Variants in IHH observed in about 807,000 individuals in gnomAD.
IHH encodes Indian hedgehog signaling molecule, also known as indian hedgehog protein.
In IHH, 9 loss-of-function variants were observed where a neutral mutation model predicts 29.4. That is an observed-to-expected ratio of 0.31 (90% confidence interval 0.18 to 0.53). The LOEUF is 0.53. Among genes scored for constraint, IHH ranks in the 20% least tolerant of loss-of-function variants. The probability of loss-of-function intolerance (pLI) is 0.95; values close to 1 mark genes in which losing one functional copy is unlikely to be tolerated. For missense variants in IHH, 454 were observed against 578.1 expected (o/e 0.79, Z 2.20); for synonymous variants, 254 against 252.7 (o/e 1.01, Z -0.05).
Position 219,055,802 on chromosome 2 carries a change from C to T in IHH, c.641G>A (p.Ser214Asn), listed in dbSNP as rs772975827. 5.6e-6 allele frequency: 9 copies of T among 1,612,898 alleles called. No individual in the cohort carries two copies. In the East Asian group the frequency reaches 8.9e-5, roughly 16 times the overall value. Residue 214 changes from serine (S) to asparagine (N), a missense_variant, in exon 3 of 3, where the codon AGT becomes AAT. Ser to Asn is a conservative substitution (Grantham distance 46). Around this residue, in one of 3 missense-constraint regions of IHH, gnomAD observed 271 missense variants for 315.9 expected, o/e 0.86. Coordinates refer to ENST00000295731, the MANE Select transcript of IHH (RefSeq NM_002181.4). ...FPAGAQVRLE[S>N]GARVALSAVR... is the part of the protein sequence containing the mutation. ...GGCTGACAAGGCCACACGCGCCCCA[C>T]TCTCCAGGCGTACCTGGGCTCCGGC...
In IHH at chr2:219,060,622, G is replaced by T. The variant is rs1397147110; in HGVS notation, c.-155C>A. 6.6e-6 allele frequency among the ~76,000 whole-genome samples: 1 copy of T among 151,376 alleles called. No individual in the cohort carries two copies. The highest frequency in any genetic ancestry group is 1.5e-5 in the Non-Finnish European group (1 of 67,740). On this transcript the variant is annotated 5_prime_UTR_variant, in exon 1 of 3. Transcript: ENST00000295731. This position sits in a 1 kb window ranked among gnomAD's most constrained non-coding sequence, Gnocchi z 8.8. Reference sequence around the variant, plus strand: ...GCGGCGTGGTGCGGCCAGGGCCGGCGGGACTCAAGTGCGGGGCGGGGGCCC... The same window carrying T: ...GCGGCGTGGTGCGGCCAGGGCCGGCTGGACTCAAGTGCGGGGCGGGGGCCC...
intron 1 of IHH, chr2:219,058,696 G>A (rs1201869118): frequency 6.5e-6 from 1 of 154,400 alleles, no homozygotes; most frequent in Admixed American, 6.6e-5. Flanking sequence ...CTGAGAAGAA[G>A]CTGGGGCCAG....
In IHH at chr2:219,055,774, C is replaced by T. The variant is rs1385230216; in HGVS notation, c.669G>A (p.Val223=). The change falls in exon 3 of 3, where the codon GTG becomes GTA. Residue 223 remains valine, a synonymous_variant. Coordinates refer to ENST00000295731, the MANE Select transcript of IHH (RefSeq NM_002181.4). ...ESGARVALSA[V]RPGDRVLAMG... ...TGGCCAGCACACGGTCTCCCGGCCT[C>T]ACGGCTGACAAGGCCACACGCGCCC... 6.2e-7 allele frequency: 1 copy of T among 1,613,524 alleles called. No individual in the cohort carries two copies. Among genetic ancestry groups the T allele is most frequent in the South Asian group, 1.1e-5 (1 of 91,088 alleles).
rs1347544204 is a variant in IHH at position 219,060,644 on chromosome 2, G to T, written c.-177C>A. Among the ~76,000 whole-genome samples the T allele has an allele frequency of 6.6e-6, 1 of 150,822 alleles. No homozygotes were observed. The highest frequency in any genetic ancestry group is 1.5e-5 in the Non-Finnish European group (1 of 67,506). The stretch of plus-strand genomic sequence containing the variant: ...GGCGGGACTCAAGTGCGGGGCGGGG[G>T]CCCAGGGCCCGAGCTGGTGGCGGCG... On this transcript the variant is annotated 5_prime_UTR_variant, in exon 1 of 3. Coordinates refer to ENST00000295731, the MANE Select transcript of IHH (RefSeq NM_002181.4). This position sits in a 1 kb window ranked among gnomAD's most constrained non-coding sequence, Gnocchi z 8.8.
chr2:219,055,158 G>A lies in IHH; in HGVS notation c.*49C>T. The A allele has an allele frequency of 6.5e-7, 1 of 1,544,134 alleles. No individual in the cohort carries two copies. The highest frequency in any genetic ancestry group is 8.8e-7 in the Non-Finnish European group (1 of 1,141,508). ...GGGCCAGCTCCCTCCTGGCTGAGAGGCTTCTGGACCCAGTACAGCAGTTCC... is the reference window on the plus strand; with the variant it reads ...GGGCCAGCTCCCTCCTGGCTGAGAGACTTCTGGACCCAGTACAGCAGTTCC... On this transcript the variant is annotated 3_prime_UTR_variant, in exon 3 of 3. Transcript: ENST00000295731.
At position 219,055,592 on chromosome 2, in the gene IHH, G is replaced by T; in HGVS notation, c.851C>A (p.Thr284Lys). The change falls in exon 3 of 3, where the codon ACG (threonine) becomes AAG (lysine). Residue 284 changes from threonine to lysine, a missense_variant. By Grantham distance (78) the Thr-to-Lys change is moderately conservative. Coordinates refer to ENST00000295731, the MANE Select transcript of IHH (RefSeq NM_002181.4). ...GGCCCGGAAGCGGGCTGCCGGCTCC[G>T]TGTGATTGTCAGCCGTAAAGAGCAG... Reference protein sequence around the residue: ...AHLLFTADNHTEPAARFRATF... With the variant: ...AHLLFTADNHKEPAARFRATF... 1.2e-6 allele frequency: 2 copies of T among 1,613,740 alleles called. No homozygotes were observed. Among genetic ancestry groups the T allele is most frequent in the Non-Finnish European group, 1.7e-6 (2 of 1,179,944 alleles).
rs767008041 is a variant in IHH at position 219,060,450 on chromosome 2, G to A, written c.18C>T (p.Leu6=). The change falls in exon 1 of 3, where the codon CTC becomes CTT. Residue 6 remains leucine (L), a synonymous_variant. Transcript: ENST00000295731. The surrounding 1 kb of genome is among the most constrained non-coding windows in gnomAD (Gnocchi z 8.8). ...CCAGGCAGAAGTGCAGTCGGGGCCG[G>A]AGCCGGGCGGGAGACATGGCCGGGG... is the stretch of plus-strand genomic sequence containing the variant. The part of the protein sequence containing the change: MSPAR[L]RPRLHFCLVL... 6.5e-7 allele frequency: 1 copy of A among 1,540,936 alleles called. No homozygotes were observed. The highest frequency in any genetic ancestry group is 8.7e-7 in the Non-Finnish European group (1 of 1,148,086).
At chr2:219,058,240 TCGGTA>T in intron 1 of IHH, among the ~76,000 whole-genome samples, 1 of 152,042 alleles carries the variant, frequency 6.6e-6, no homozygotes, top group African/African-American at 2.4e-5. Context: ...GCAGAGCGTC[TCGGTA>T]GCTTCAGGGG....
Position 219,060,175 on chromosome 2 carries a change from C to T in IHH, c.293G>A (p.Gly98Asp). Reference protein sequence around the residue: ...DIIFKDEENTGADRLMTQRCK... With the variant: ...DIIFKDEENTDADRLMTQRCK... ...CACCTGGGTCATGAGGCGGTCGGCG[C>T]CTGTGTTCTCCTCGTCCTTGAAGAT... The change falls in exon 1 of 3, where the codon GGC (glycine) becomes GAC (aspartate). Residue 98 changes from glycine (G) to aspartate (D), a missense_variant. By Grantham distance (94) the Gly-to-Asp change is moderately conservative. Coordinates refer to ENST00000295731, the MANE Select transcript of IHH (RefSeq NM_002181.4). This position sits in a 1 kb window ranked among gnomAD's most constrained non-coding sequence, Gnocchi z 8.8. 1 of 1,611,770 alleles carries T rather than the reference C, an allele frequency of 6.2e-7. No individual in the cohort carries two copies. The highest frequency in any genetic ancestry group is 8.5e-7 in the Non-Finnish European group (1 of 1,178,910).
At chr2:219,057,747 C>A in intron 1 of IHH, 53 bp from the exon 2 acceptor site, 2 of 1,596,882 alleles carry the variant, frequency 1.3e-6, no homozygotes, top group Middle Eastern at 1.9e-4. Flanking sequence ...CCGGAGGAGC[C>A]GGCCGAGGTG....
At position 219,055,821 on chromosome 2, in the gene IHH, C is replaced by A; in HGVS notation, c.622G>T (p.Ala208Ser). The A allele has an allele frequency of 1.2e-6, 2 of 1,612,190 alleles. No individual in the cohort carries two copies. The highest frequency in any genetic ancestry group is 2.2e-5 in the East Asian group (1 of 44,884). The change falls in exon 3 of 3, where the codon GCC (alanine) becomes TCC (serine). Residue 208 changes from alanine (A) to serine (S), a missense_variant. Ala to Ser is a moderately conservative substitution (Grantham distance 99). Coordinates refer to ENST00000295731, the MANE Select transcript of IHH (RefSeq NM_002181.4). The part of the protein sequence containing the change: ...AKTGGCFPAG[A>S]QVRLESGARV... ...GCCCCACTCTCCAGGCGTACCTGGGCTCCGGCAGGGAAGCAGCCGCCCGTC... is the reference window on the plus strand; with the variant it reads ...GCCCCACTCTCCAGGCGTACCTGGGATCCGGCAGGGAAGCAGCCGCCCGTC...
chr2:219,056,100 C>T lies in IHH; in HGVS notation c.578-235G>A, dbSNP rs427587. Among the ~76,000 whole-genome samples the T allele has an allele frequency of 0.99, 150,515 of 152,006 alleles. 74,519 individuals are homozygous for T. Among genetic ancestry groups the T allele is most frequent in the East Asian group, 1 (5,140 of 5,140 alleles). ...GTGACCCCCCTCCCCAGCCTAATACCTTGCCAAGGAGCATAGTGGGGCTCC... is the reference window on the plus strand; with the variant it reads ...GTGACCCCCCTCCCCAGCCTAATACTTTGCCAAGGAGCATAGTGGGGCTCC... On this transcript the variant is annotated intron_variant, in intron 2 of 2. Coordinates refer to ENST00000295731, the MANE Select transcript of IHH (RefSeq NM_002181.4).
rs745592533 is a variant in IHH at position 219,057,433 on chromosome 2, C to T, written c.577G>A (p.Glu193Lys). ...GCCCAGCCCCCCGGCGGCGGCTCAC[C>T]GGACTTGACGGAGCAATGCACGTGG... ...KAHVHCSVKS[E>K]HSAAAKTGGC... The change falls in exon 2 of 3, where the codon GAG becomes AAG. Residue 193 changes from glutamate to lysine, a missense_variant and splice_region_variant. This residue lies in a region of IHH where 271 missense variants were observed against 315.9 expected (regional missense o/e 0.86). Coordinates refer to ENST00000295731, the MANE Select transcript of IHH (RefSeq NM_002181.4). 2 of 1,565,848 alleles carry T rather than the reference C, an allele frequency of 1.3e-6. No individual in the cohort carries two copies. Among genetic ancestry groups the T allele is most frequent in the African/African-American group, 1.4e-5 (1 of 73,632 alleles).
Position 219,057,426 on chromosome 2 carries a change from G to T in IHH, c.577+7C>A. The T allele has an allele frequency of 6.4e-7, 1 of 1,560,210 alleles. No individual in the cohort carries two copies. The highest frequency in any genetic ancestry group is 8.7e-7 in the Non-Finnish European group (1 of 1,152,626). ...GCCCCGGGCCCAGCCCCCCGGCGGC[G>T]GCTCACCGGACTTGACGGAGCAATG... On this transcript the variant is annotated splice_region_variant and intron_variant, in intron 2 of 2. Coordinates refer to ENST00000295731, the MANE Select transcript of IHH (RefSeq NM_002181.4).
Position 219,057,515 on chromosome 2 carries a change from C to G in IHH, c.495G>C (p.Leu165=), listed in dbSNP as rs1380094157. ...TSDRDRNKYG[L]LARLAVEAGF... ...CGGCCTCCACTGCCAAGCGCGCCAG[C>G]AGTCCATACTTATTGCGGTCGCGGT... is the stretch of plus-strand genomic sequence containing the variant. The change falls in exon 2 of 3, where the codon CTG becomes CTC. Residue 165 remains leucine, a synonymous_variant. Coordinates refer to ENST00000295731, the MANE Select transcript of IHH (RefSeq NM_002181.4). The G allele has an allele frequency of 1.2e-6, 2 of 1,613,968 alleles. No homozygotes were observed. The highest frequency in any genetic ancestry group is 1.7e-6 in the Non-Finnish European group (2 of 1,179,992).
chr2:219,060,532 C>T lies in IHH; in HGVS notation c.-65G>A. ...GTGGGCTGATGGGCAGGCGCGTCGACGGGAGCGCTGCGGGGGCTCAGGCGT... is the reference window on the plus strand; with the variant it reads ...GTGGGCTGATGGGCAGGCGCGTCGATGGGAGCGCTGCGGGGGCTCAGGCGT... On this transcript the variant is annotated 5_prime_UTR_variant, in exon 1 of 3. Transcript: ENST00000295731. The surrounding 1 kb of genome is among the most constrained non-coding windows in gnomAD (Gnocchi z 8.8). 8.2e-7 allele frequency: 1 copy of T among 1,214,512 alleles called. No individual in the cohort carries two copies. The highest frequency in any genetic ancestry group is 3.1e-5 in the East Asian group (1 of 32,256). The allele number at this position is 1,214,512 out of a possible 1,614,324, so 75.2% of individuals were successfully genotyped here. A position where few individuals can be genotyped will look rare whatever the true frequency, so the allele number is the denominator to read the frequency against.
rs1948876431 is a variant in IHH at position 219,060,838 on chromosome 2, C to A, written c.-371G>T. Among the ~76,000 whole-genome samples, 1 of 148,454 alleles carries A rather than the reference C, an allele frequency of 6.7e-6. No individual in the cohort carries two copies. On this transcript the variant is annotated 5_prime_UTR_variant, in exon 1 of 3. Transcript: ENST00000295731. This position sits in a 1 kb window ranked among gnomAD's most constrained non-coding sequence, Gnocchi z 8.8. The stretch of plus-strand genomic sequence containing the variant: ...GCCGGGCCGGCGGGCTGCAGGGCCC[C>A]GCGGTTAGCACCCCGGCCCGGCGGT...
chr2:219,059,001 C>T lies in IHH; in HGVS notation c.315+1152G>A, dbSNP rs1267306964. ...AGGCTTCTAGCCCCGCACCTATGCCCGCCTGCAGCCCTGGTTCCCCGCCTC... is the reference window on the plus strand; with the variant it reads ...AGGCTTCTAGCCCCGCACCTATGCCTGCCTGCAGCCCTGGTTCCCCGCCTC... On this transcript the variant is annotated intron_variant, in intron 1 of 2. Coordinates refer to ENST00000295731, the MANE Select transcript of IHH (RefSeq NM_002181.4). The surrounding 1 kb of genome is among the most constrained non-coding windows in gnomAD (Gnocchi z 4.7). 6.6e-6 allele frequency among the ~76,000 whole-genome samples: 1 copy of T among 152,178 alleles called. No homozygotes were observed. Among genetic ancestry groups the T allele is most frequent in the African/African-American group, 2.4e-5 (1 of 41,450 alleles).
In IHH at chr2:219,059,925, T is replaced by C. The variant is rs1948865729; in HGVS notation, c.315+228A>G. Among the ~76,000 whole-genome samples, 1 of 152,112 alleles carries C rather than the reference T, an allele frequency of 6.6e-6. No homozygotes were observed. Among genetic ancestry groups the C allele is most frequent in the Non-Finnish European group, 1.5e-5 (1 of 68,004 alleles). On this transcript the variant is annotated intron_variant, in intron 1 of 2. Transcript: ENST00000295731. The surrounding 1 kb of genome is among the most constrained non-coding windows in gnomAD (Gnocchi z 4.7). ...CCGCCAACCTGCTGGGCTGTGGGGC[T>C]TGGCAGCGGGGAGCTCTTCTAGCAG... is the stretch of plus-strand genomic sequence containing the variant.
Sources: allele counts gnomAD v4.1 joint callset (sites outside exome capture counted in the v4.1 genomes callset), GRCh38; gene constraint gnomAD v4.1.1; regional missense constraint gnomAD v4.1.1; non-coding constraint Gnocchi (gnomAD v3.1); transcripts MANE v1.5; gene names NCBI Gene and HGNC (gene_info 2026-07-23, HGNC 2026-07-21).